Variants in AR observed in about 807,000 individuals in gnomAD.
The protein encoded by AR is dihydrotestosterone receptor.
AR carries 8 observed loss-of-function variants against 53.9 expected under a neutral mutation model. That is an observed-to-expected ratio of 0.15 (90% CI 0.09 to 0.27). The LOEUF (loss-of-function observed/expected upper bound fraction) is 0.27. Among genes scored for constraint, AR ranks in the 10% least tolerant of loss-of-function variants. The pLI is 1.00. For missense variants in AR, 639 were observed against 742.5 expected (o/e 0.86, Z 1.62); for synonymous variants, 359 against 316.4 (o/e 1.13, Z -1.43).
chrX:67,624,841 G>C (rs1924543289), intron 1 of AR, among the ~76,000 whole-genome samples: 1 of 89,294 alleles, frequency 1.1e-5, no homozygotes, highest in African/African-American at 4.2e-5. Context: ...AACAAGACAA[G>C]GATGACTGTT....
intron 2 of AR, among the ~76,000 whole-genome samples, chrX:67,677,538 C>T (rs892917111): frequency 3.6e-5 from 4 of 111,989 alleles, no homozygotes; most frequent in African/African-American, 9.7e-5. Flanking sequence ...CAATGGAAAG[C>T]TTGCAAAATA....
At chrX:67,574,717 A>G (rs1921972331) in intron 1 of AR, among the ~76,000 whole-genome samples, 1 of 111,772 alleles carries the variant, frequency 8.9e-6, no homozygotes, top group African/African-American at 3.2e-5. Context: ...AAATTCTCCT[A>G]AAAGAGAGGT....
chrX:67,558,214 T>G (rs1351978759), intron 1 of AR, among the ~76,000 whole-genome samples: 1 of 112,358 alleles, frequency 8.9e-6, no homozygotes, highest in African/African-American at 3.2e-5. Flanking sequence ...TGAAAATTCT[T>G]TGGTCCATAC....
chrX:67,577,784 T>C (rs1221419914), intron 1 of AR, among the ~76,000 whole-genome samples: 2 of 111,637 alleles, frequency 1.8e-5, no homozygotes, highest in African/African-American at 6.5e-5. Flanking sequence ...GTTTGTATAT[T>C]TTTTGATCCT....
chrX:67,723,072 G>T (rs1469270342), intron 7 of AR, 88 bp downstream of exon 7: 1 of 1,064,532 alleles, frequency 9.4e-7, no homozygotes, highest in East Asian at 3.1e-5. Context: ...GGCACCACCT[G>T]TTGGGAGGTG....
chrX:67,697,340 G>A (rs2147510177), intron 3 of AR, among the ~76,000 whole-genome samples: 1 of 111,574 alleles, frequency 9.0e-6, no homozygotes, highest in African/African-American at 3.3e-5. Context: ...AGAATGTGGG[G>A]CTCAGTAACT....
chrX:67,643,484 C>T (rs2147437135), intron 2 of AR, 77 bp downstream of exon 2: 4 of 1,119,609 alleles, frequency 3.6e-6, no homozygotes, highest in Non-Finnish European at 4.8e-6. Context: ...CTTTCAGGGC[C>T]CAGGATTTTA....
rs1929661098 is a variant in AR at position 67,545,331 on chromosome X, A to AGCAGCAGCAGCAGCAGCT, written c.202_203insTGCAGCAGCAGCAGCAGC (p.Gln67_Gln68insLeuGlnGlnGlnGlnGln). ...TTGCTGCTGCTGCAGCAGCAGCAGCAGCAGCAGCAGCAGCAGCAGCAGCAG... is the reference window on the plus strand; with the variant it reads ...TTGCTGCTGCTGCAGCAGCAGCAGCAGCAGCAGCAGCAGCAGCTGCAGCAGCAGCAGCAGCAGCAGCAG... On this transcript the variant is annotated inframe_insertion, in exon 1 of 8. Transcript: ENST00000374690. The AGCAGCAGCAGCAGCAGCT allele has an allele frequency of 1.0e-6, 1 of 1,003,433 alleles. No homozygotes were observed. The highest frequency in any genetic ancestry group is 3.6e-5 in the East Asian group (1 of 27,976). 82.7% of individuals were successfully genotyped at this position (1,003,433 alleles called of 1,213,427 possible). A position where few individuals can be genotyped will look rare whatever the true frequency, so the allele number is the denominator to read the frequency against.
chrX:67,566,145 T>C (rs1921548118), intron 1 of AR, among the ~76,000 whole-genome samples: 1 of 112,537 alleles, frequency 8.9e-6, no homozygotes, highest in Non-Finnish European at 1.9e-5. Context: ...TTTTTTTTCA[T>C]TCTTAGCAAT....
At chrX:67,670,635 A>G (rs2075859137) in intron 2 of AR, among the ~76,000 whole-genome samples, 1 of 109,565 alleles carries the variant, frequency 9.1e-6, no homozygotes, top group Non-Finnish European at 1.9e-5. Context: ...TCTGGGATAC[A>G]TGTGCAGAAC....
At chrX:67,560,293 C>G (rs1921239698) in intron 1 of AR, among the ~76,000 whole-genome samples, 1 of 111,531 alleles carries the variant, frequency 9.0e-6, no homozygotes, top group Non-Finnish European at 1.9e-5. Context: ...CCTTCTCCCC[C>G]CAGTTCAGAT....
chrX:67,612,160 T>C (rs1923912078), intron 1 of AR, among the ~76,000 whole-genome samples: 1 of 112,574 alleles, frequency 8.9e-6, no homozygotes, highest in Admixed American at 9.4e-5. Flanking sequence ...TAACAGAAAT[T>C]AAGTATATTT....
At chrX:67,557,150 G>A (rs1375237113) in intron 1 of AR, among the ~76,000 whole-genome samples, 1 of 109,505 alleles carries the variant, frequency 9.1e-6, no homozygotes, top group East Asian at 2.9e-4. Context: ...GAGCAAGGGG[G>A]GAAGCAGGGA....
chrX:67,547,285 A>T (rs373053795), intron 1 of AR, among the ~76,000 whole-genome samples: 3 of 111,776 alleles, frequency 2.7e-5, no homozygotes, highest in East Asian at 5.6e-4. Flanking sequence ...TTAGGGAAAG[A>T]AAGTGGTCTC....
Position 67,677,899 on chromosome X carries a change from A to G in AR, c.1769-8111A>G, listed in dbSNP as rs1602248881. Reference sequence around the variant, plus strand: ...TTTTTCTTATATAATAATAATATATATGATCTGTAGAGTGCTTTACACTTT... The same window carrying G: ...TTTTTCTTATATAATAATAATATATGTGATCTGTAGAGTGCTTTACACTTT... On this transcript the variant is annotated intron_variant, in intron 2 of 7. Transcript: ENST00000374690. Among the ~76,000 whole-genome samples the G allele has an allele frequency of 2.7e-5, 3 of 111,186 alleles. No individual in the cohort carries two copies. In the South Asian group the frequency reaches 1.1e-3, roughly 43 times the overall value.
intron 1 of AR, among the ~76,000 whole-genome samples, chrX:67,606,405 A>C (rs772744387): frequency 2.7e-5 from 3 of 112,408 alleles, no homozygotes; most frequent in Non-Finnish European, 5.6e-5. Context: ...TAGAATGATT[A>C]AATCAAGCTA....
intron 3 of AR, among the ~76,000 whole-genome samples, chrX:67,707,356 G>T (rs928985589): frequency 1.8e-5 from 2 of 112,036 alleles, no homozygotes; most frequent in South Asian, 7.4e-4. Context: ...AGGATAGTTA[G>T]TTCTTCTTGT....
intron 1 of AR, 41 bp from the exon 2 acceptor site, chrX:67,643,215 T>C (rs2147435528): frequency 8.3e-7 from 1 of 1,208,084 alleles, no homozygotes. Context: ...ATTTCTGCCA[T>C]TCAGTGACAT....
chrX:67,580,430 AC>A (rs1393218450), intron 1 of AR, among the ~76,000 whole-genome samples: 3 of 112,062 alleles, frequency 2.7e-5, no homozygotes, highest in African/African-American at 9.7e-5. Context: ...TATGATTATT[AC>A]TTTTGTGATA....
Sources: allele counts gnomAD v4.1 joint callset (sites outside exome capture counted in the v4.1 genomes callset), GRCh38; gene constraint gnomAD v4.1.1; transcripts MANE v1.5; gene names NCBI Gene and HGNC (gene_info 2026-07-23, HGNC 2026-07-21).